Variants in MAML2 observed in about 807,000 individuals in gnomAD.
MAML2 encodes the protein mastermind like transcriptional coactivator 2.
Under a neutral mutation model 96.1 loss-of-function variants are expected in MAML2, and 22 were observed. The ratio of observed to expected loss-of-function variants is 0.23; its 90% CI spans 0.16 to 0.33. The LOEUF is 0.33. Ranked by LOEUF, MAML2 falls within the 10% of genes least tolerant of loss-of-function variation. The probability of loss-of-function intolerance (pLI) is 1.00; values close to 1 mark genes in which losing one functional copy is unlikely to be tolerated. For missense variants in MAML2, 1,367 were observed against 1,392.4 expected (o/e 0.98, Z 0.29); for synonymous variants, 561 against 521.3 (o/e 1.08, Z -1.04).
intron 2 of MAML2, among the ~76,000 whole-genome samples, chr11:96,044,736 T>G (rs1858869026): frequency 6.6e-6 from 1 of 152,154 alleles, no homozygotes; most frequent in Non-Finnish European, 1.5e-5. Flanking sequence ...ATTGGCAAGT[T>G]TTTCTGACTG....
At chr11:96,322,743 A>G (rs984292664) in intron 1 of MAML2, among the ~76,000 whole-genome samples, 3 of 152,238 alleles carry the variant, frequency 2.0e-5, no homozygotes, top group Admixed American at 6.5e-5. Flanking sequence ...ATAGATAACA[A>G]AAGTCCAACG....
intron 1 of MAML2, among the ~76,000 whole-genome samples, chr11:96,109,985 G>C (rs1860091005): frequency 6.6e-6 from 1 of 152,160 alleles, no homozygotes; most frequent in Non-Finnish European, 1.5e-5. Context: ...TAAGGAGCTA[G>C]GAGGAAAGGA....
intron 2 of MAML2, among the ~76,000 whole-genome samples, chr11:96,018,929 T>A (rs540482113): frequency 1.3e-4 from 20 of 152,150 alleles, no homozygotes; most frequent in Non-Finnish European, 2.5e-4. Context: ...AATGTAGATA[T>A]CACTAATAGT....
intron 1 of MAML2, among the ~76,000 whole-genome samples, chr11:96,303,147 T>A (rs952308579): frequency 6.6e-6 from 1 of 152,188 alleles, no homozygotes; most frequent in Admixed American, 6.5e-5. Context: ...TTGACCATCA[T>A]GTAGTTTTAA....
chr11:96,212,004 G>A (rs749518190), intron 1 of MAML2, among the ~76,000 whole-genome samples: 10 of 152,050 alleles, frequency 6.6e-5, no homozygotes, highest in Non-Finnish European at 1.2e-4. Context: ...GGGTTCAAGA[G>A]ATATTTCAAG....
intron 1 of MAML2, among the ~76,000 whole-genome samples, chr11:96,330,117 T>A (rs575410558): frequency 6.6e-6 from 1 of 152,306 alleles, no homozygotes; most frequent in African/African-American, 2.4e-5. Context: ...AATTTGGTAG[T>A]TAGAAGGAAT....
At chr11:96,096,072 A>G (rs1233933764) in intron 1 of MAML2, among the ~76,000 whole-genome samples, 1 of 152,242 alleles carries the variant, frequency 6.6e-6, no homozygotes, top group Non-Finnish European at 1.5e-5. Flanking sequence ...GATTTATTTC[A>G]GCATAAATTG....
chr11:96,191,530 T>A (rs1050198615), intron 1 of MAML2, among the ~76,000 whole-genome samples: 1 of 149,196 alleles, frequency 6.7e-6, no homozygotes, highest in Non-Finnish European at 1.5e-5. Context: ...ATCCCAGCAC[T>A]TTGGGAGGCT....
intron 1 of MAML2, among the ~76,000 whole-genome samples, chr11:96,162,806 T>A (rs1186747570): frequency 6.6e-6 from 1 of 150,780 alleles, no homozygotes; most frequent in Non-Finnish European, 1.5e-5. Flanking sequence ...AACAAGGGGG[T>A]CTGAGGAGGG....
intron 1 of MAML2, among the ~76,000 whole-genome samples, chr11:96,109,020 C>A (rs200794365): frequency 2.2e-4 from 32 of 144,824 alleles, no homozygotes; most frequent in South Asian, 2.2e-4. Context: ...TTGAGTGTTT[C>A]AAAAAAAAAA....
At chr11:96,038,315 A>G (rs866817355) in intron 2 of MAML2, among the ~76,000 whole-genome samples, 36 of 152,230 alleles carry the variant, frequency 2.4e-4, no homozygotes, top group African/African-American at 8.7e-4. Flanking sequence ...ATCGTTCCTT[A>G]TACTCATTTA....
intron 2 of MAML2, among the ~76,000 whole-genome samples, chr11:96,029,455 T>A (rs552003501): frequency 6.6e-6 from 1 of 152,164 alleles, no homozygotes; most frequent in Non-Finnish European, 1.5e-5. Flanking sequence ...TCTTTACCAA[T>A]GTGGGAGACC....
At chr11:96,315,369 G>A (rs549412) in intron 1 of MAML2, among the ~76,000 whole-genome samples, 63,643 of 151,946 alleles carry the variant, frequency 0.42, 14,262 homozygotes, top group African/African-American at 0.6. Flanking sequence ...TATTTATATT[G>A]TATCTAATTT....
intron 1 of MAML2, among the ~76,000 whole-genome samples, chr11:96,275,728 CATAGAAATA>C (rs1050037716): frequency 2.0e-5 from 3 of 152,098 alleles, no homozygotes; most frequent in Non-Finnish European, 1.5e-5. Flanking sequence ...ACATTCCTAC[CATAGAAATA>C]ATAGCACATA....
At chr11:96,042,742 T>TTC (rs1858835659) in intron 2 of MAML2, among the ~76,000 whole-genome samples, 1 of 112,526 alleles carries the variant, frequency 8.9e-6, no homozygotes, top group African/African-American at 3.6e-5. Context: ...ATCGTTAACG[T>TTC]TCTTTTTTTT....
intron 1 of MAML2, among the ~76,000 whole-genome samples, chr11:96,197,725 C>T (rs547807661): frequency 7.9e-5 from 12 of 152,160 alleles, no homozygotes; most frequent in African/African-American, 1.4e-4. Flanking sequence ...TCTAGCTCAA[C>T]AGGCACATCA....
At chr11:96,296,932 T>G (rs1863308261) in intron 1 of MAML2, among the ~76,000 whole-genome samples, 1 of 152,178 alleles carries the variant, frequency 6.6e-6, no homozygotes, top group Non-Finnish European at 1.5e-5. Context: ...GCTCAGTCAT[T>G]TAGTCTCCTG....
Position 96,193,000 on chromosome 11 carries a change from C to T in MAML2, c.514-99483G>A, listed in dbSNP as rs146734404. On this transcript the variant is annotated intron_variant, in intron 1 of 4. Coordinates refer to ENST00000524717, the MANE Select transcript of MAML2 (RefSeq NM_032427.4). ...CTCTAGGAATCACATTGTGGGTGTA[C>T]GATTAATACCCAAATAAGTGGTTCA... Among the ~76,000 whole-genome samples, 757 of 152,264 alleles carry T rather than the reference C, an allele frequency of 5.0e-3. 5 individuals carry two copies. The highest frequency in any genetic ancestry group is 0.015 in the South Asian group (70 of 4,826).
intron 1 of MAML2, among the ~76,000 whole-genome samples, chr11:96,303,580 A>G (rs1863420512): frequency 6.6e-6 from 1 of 152,220 alleles, no homozygotes; most frequent in Non-Finnish European, 1.5e-5. Context: ...AAAGAAAGTA[A>G]AGAGGTCTAT....
Sources: gnomAD v4.1 joint callset for allele counts (sites outside exome capture counted in the v4.1 genomes callset) on GRCh38, gnomAD v4.1.1 for gene constraint, MANE v1.5 for transcripts, NCBI Gene and HGNC (gene_info 2026-07-23, HGNC 2026-07-21) for gene names.